Variants in ERC2 observed in about 807,000 individuals in gnomAD.
ERC2 encodes the protein ELKS/RAB6-interacting/CAST family member 2, also known as ERC protein 2.
A neutral mutation model predicts 114.8 loss-of-function variants in ERC2; 42 were observed. The ratio of observed to expected loss-of-function variants is 0.37; its 90% CI spans 0.29 to 0.47. The LOEUF (loss-of-function observed/expected upper bound fraction) is 0.47, where lower values mean the gene tolerates loss of function less well. Ranked by LOEUF, ERC2 falls within the 20% of genes least tolerant of loss-of-function variation. The probability of loss-of-function intolerance (pLI) is 0.99; values close to 1 mark genes in which losing one functional copy is unlikely to be tolerated. For synonymous variants in ERC2, 454 were observed against 425.5 expected, an observed-to-expected ratio of 1.07 and a Z score of -0.82; for missense variants, 939 against 1,150.7, an observed-to-expected ratio of 0.82 and a Z score of 2.66.
intron 12 of ERC2, among the ~76,000 whole-genome samples, chr3:55,967,330 T>C (rs763744901): frequency 7.2e-5 from 11 of 152,176 alleles, no homozygotes; most frequent in Non-Finnish European, 1.3e-4. Context: ...ATTAGATGAA[T>C]ATGAAAAATA....
intron 13 of ERC2, among the ~76,000 whole-genome samples, chr3:55,936,503 T>C (rs2066454140): frequency 6.6e-6 from 1 of 152,002 alleles, no homozygotes; most frequent in Admixed American, 6.6e-5. Flanking sequence ...GACAGAAACA[T>C]AAAGAAAGAC....
intron 17 of ERC2, among the ~76,000 whole-genome samples, chr3:55,653,745 A>G (rs1043712921): frequency 6.6e-6 from 1 of 152,224 alleles, no homozygotes; most frequent in Non-Finnish European, 1.5e-5. Context: ...TAATTTAAAA[A>G]GTGATAAAAA....
intron 14 of ERC2, among the ~76,000 whole-genome samples, chr3:55,851,961 G>A (rs889375773): frequency 3.3e-5 from 5 of 152,176 alleles, no homozygotes; most frequent in African/African-American, 7.2e-5. Flanking sequence ...AGCGGCTCAC[G>A]CCTGTTACCC....
At chr3:56,339,916 G>A (rs4974134) in intron 2 of ERC2, among the ~76,000 whole-genome samples, 37,600 of 152,012 alleles carry the variant, frequency 0.25, 4,993 homozygotes, top group Admixed American at 0.29. Context: ...TCATCTGCAC[G>A]GACAAAACGA....
chr3:55,597,031 TA>T (rs1327028122), intron 17 of ERC2, among the ~76,000 whole-genome samples: 1 of 152,166 alleles, frequency 6.6e-6, no homozygotes, highest in Non-Finnish European at 1.5e-5. Flanking sequence ...ATGAAATATT[TA>T]TAAAAAAATT....
intron 2 of ERC2, among the ~76,000 whole-genome samples, chr3:56,367,964 A>G (rs2059214577): frequency 6.6e-6 from 1 of 151,272 alleles, no homozygotes; most frequent in African/African-American, 2.4e-5. Flanking sequence ...AAAAAAAAAA[A>G]AAGTGTAAAA....
chr3:56,246,459 T>G (rs1450709977), intron 3 of ERC2, among the ~76,000 whole-genome samples: 1 of 152,176 alleles, frequency 6.6e-6, no homozygotes, highest in African/African-American at 2.4e-5. Context: ...GTTCTAAACT[T>G]TTTAGTTTCA....
At chr3:56,372,671 T>G (rs2059399623) in intron 2 of ERC2, among the ~76,000 whole-genome samples, 1 of 151,820 alleles carries the variant, frequency 6.6e-6, no homozygotes, top group South Asian at 2.1e-4. Context: ...GAGGTTGCAG[T>G]AAGCTGAGAT....
chr3:55,659,995 C>G (rs2061052484), intron 17 of ERC2, among the ~76,000 whole-genome samples: 1 of 152,130 alleles, frequency 6.6e-6, no homozygotes, highest in Non-Finnish European at 1.5e-5. Flanking sequence ...TTCTGTGCTT[C>G]CTTCATTAGC....
chr3:56,447,431 A>G (rs1030098046), intron 1 of ERC2, among the ~76,000 whole-genome samples: 22 of 152,174 alleles, frequency 1.4e-4, no homozygotes, highest in African/African-American at 4.3e-4. Flanking sequence ...GAGGAAAGAG[A>G]GGGAGACGAG....
At chr3:55,819,425 T>C (rs1204198734) in intron 14 of ERC2, among the ~76,000 whole-genome samples, 1 of 152,204 alleles carries the variant, frequency 6.6e-6, no homozygotes, top group Non-Finnish European at 1.5e-5. Context: ...AGTCTATACA[T>C]GAAAACTCCT....
At chr3:56,038,325 T>A (rs2074933792) in intron 7 of ERC2, among the ~76,000 whole-genome samples, 1 of 151,856 alleles carries the variant, frequency 6.6e-6, no homozygotes, top group East Asian at 1.9e-4. Context: ...AACAAACATA[T>A]GAAAAAAAGC....
rs142551257 is a variant in ERC2, at chr3:55,558,239, A to G, written c.*40-46963T>C. 3.5e-3 allele frequency among the ~76,000 whole-genome samples: 537 copies of G among 152,282 alleles called. 2 individuals are homozygous for G. Among genetic ancestry groups the G allele is most frequent in the African/African-American group, 0.012 (517 of 41,558 alleles). Reference sequence around the variant, plus strand: ...ATGCCCTACTATTAATAGGTAGAACAATGTCTGGTTTTGCCCACCTCTAGC... The same window carrying G: ...ATGCCCTACTATTAATAGGTAGAACGATGTCTGGTTTTGCCCACCTCTAGC... On this transcript the variant is annotated intron_variant, in intron 17 of 17. Transcript: ENST00000288221.
At chr3:56,149,753 C>T (rs1409594712) in intron 4 of ERC2, among the ~76,000 whole-genome samples, 4 of 152,022 alleles carry the variant, frequency 2.6e-5, no homozygotes, top group South Asian at 2.1e-4. Context: ...ATTTATTTGG[C>T]GAGCAGTCAG....
chr3:55,524,623 C>A (rs1337529708), intron 17 of ERC2, among the ~76,000 whole-genome samples: 1 of 147,212 alleles, frequency 6.8e-6, no homozygotes, highest in Admixed American at 6.9e-5. Context: ...TATATGTCAA[C>A]ATTTAAGCCA....
intron 13 of ERC2, among the ~76,000 whole-genome samples, chr3:55,903,645 T>C (rs527700717): frequency 6.6e-6 from 1 of 152,356 alleles, no homozygotes; most frequent in South Asian, 2.1e-4. Context: ...ATACCCCATT[T>C]TGATGGGTCA....
At chr3:55,722,414 C>A (rs1396170423) in intron 15 of ERC2, among the ~76,000 whole-genome samples, 1 of 152,038 alleles carries the variant, frequency 6.6e-6, no homozygotes, top group African/African-American at 2.4e-5. Context: ...ACATGGCTCA[C>A]CCCCCACTTG....
At position 55,535,383 on chromosome 3, in the gene ERC2, G is replaced by C. The variant is rs79005256; in HGVS notation, c.*40-24107C>G. Among the ~76,000 whole-genome samples the C allele has an allele frequency of 8.5e-3, 1,301 of 152,314 alleles. 19 individuals carry two copies. Among genetic ancestry groups the C allele is most frequent in the African/African-American group, 0.029 (1,226 of 41,564 alleles). ...CCCAGAGCTTGTGTGAGTGCCAGCA[G>C]GTCCAGGAATATTATTTTTAGAGAG... is the stretch of plus-strand genomic sequence containing the variant. On this transcript the variant is annotated intron_variant, in intron 17 of 17. Coordinates refer to ENST00000288221, the MANE Select transcript of ERC2 (RefSeq NM_015576.3).
chr3:56,257,066 C>T (rs748234401), intron 3 of ERC2, among the ~76,000 whole-genome samples: 4 of 152,122 alleles, frequency 2.6e-5, no homozygotes, highest in Non-Finnish European at 5.9e-5. Flanking sequence ...GGTAATAATT[C>T]TACCTCAGAG....
Sources: gnomAD v4.1 joint callset for allele counts (sites outside exome capture counted in the v4.1 genomes callset) on GRCh38, gnomAD v4.1.1 for gene constraint, MANE v1.5 for transcripts, NCBI Gene and HGNC (gene_info 2026-07-23, HGNC 2026-07-21) for gene names.